The following CLEC2A variants were observed in gnomAD, a reference collection of about 807,000 sequenced individuals.
CLEC2A encodes keratinocyte-associated C-type lectin.
In CLEC2A, 19 loss-of-function variants were observed where a neutral mutation model predicts 18.6. The ratio of observed to expected loss-of-function variants is 1.02; its 90% CI spans 0.71 to 1.50. The LOEUF is 1.50. Among genes scored for constraint, CLEC2A ranks in the 40% most tolerant of loss-of-function variants. CLEC2A has a pLI of 0.00. For synonymous variants in CLEC2A, 74 were observed against 64.0 expected, an observed-to-expected ratio of 1.16 and a Z score of -0.75; for missense variants, 190 against 207.9, an observed-to-expected ratio of 0.91 and a Z score of 0.53.
At chr12:9,931,568 C>T (rs928050537) in intron 1 of CLEC2A, among the ~76,000 whole-genome samples, 1 of 152,124 alleles carries the variant, frequency 6.6e-6, no homozygotes, top group South Asian at 2.1e-4. Context: ...TTAAGAGTAT[C>T]AGGCTTACTT....
chr12:9,894,152 CT>C (rs1368618312), downstream of CLEC2A, among the ~76,000 whole-genome samples: 505 of 147,276 alleles, frequency 3.4e-3, 5 homozygotes, highest in East Asian at 0.043. Flanking sequence ...CTCTCTCTCT[CT>C]CCCTCCCTTC....
the CLEC2A span, among the ~76,000 whole-genome samples, chr12:9,890,557 C>T: frequency 6.6e-5 from 10 of 152,156 alleles, no homozygotes; most frequent in Non-Finnish European, 1.5e-4. Context: ...TACACCCTCC[C>T]GAAACATGGA....
At chr12:9,879,396 A>G in the CLEC2A span, among the ~76,000 whole-genome samples, 1 of 152,202 alleles carries the variant, frequency 6.6e-6, no homozygotes, top group Non-Finnish European at 1.5e-5. Flanking sequence ...ACATTGTAAC[A>G]TGGCCACAGG....
chr12:9,901,680 T>G (rs112357031), intron 4 of CLEC2A, among the ~76,000 whole-genome samples: 228 of 152,300 alleles, frequency 1.5e-3, no homozygotes, highest in African/African-American at 5.4e-3. Flanking sequence ...GGAAACTGAA[T>G]TTTGATTTTG....
At chr12:9,897,635 C>T (rs1481571180), downstream of CLEC2A, among the ~76,000 whole-genome samples, 1 of 151,740 alleles carries the variant, frequency 6.6e-6, no homozygotes, top group Non-Finnish European at 1.5e-5. Flanking sequence ...CGATCACACA[C>T]ACAAGCTGAA....
the CLEC2A span, among the ~76,000 whole-genome samples, chr12:9,890,887 C>A: frequency 6.6e-6 from 1 of 152,186 alleles, no homozygotes; most frequent in Non-Finnish European, 1.5e-5. Flanking sequence ...CAATTCCTAA[C>A]AAAGCTAGCA....
At chr12:9,898,569 G>A, downstream of CLEC2A, 1 of 205,660 alleles carries the variant, frequency 4.9e-6, no homozygotes, top group Admixed American at 5.5e-5. Context: ...GTGAGCAGCA[G>A]GACCTAGACC....
chr12:9,911,102 C>T (rs1193311159), downstream of CLEC2A, among the ~76,000 whole-genome samples: 1 of 152,170 alleles, frequency 6.6e-6, no homozygotes, highest in Non-Finnish European at 1.5e-5. Context: ...TGGCTGGAGT[C>T]AAGACCACAC....
chr12:9,895,892 T>G (rs1862751075), downstream of CLEC2A: 1 of 1,416,814 alleles, frequency 7.1e-7, no homozygotes, highest in Non-Finnish European at 9.2e-7. Flanking sequence ...TTTTAAAGAC[T>G]TAAGATTTTT....
At chr12:9,918,301 T>C (rs542538260) in intron 3 of CLEC2A, among the ~76,000 whole-genome samples, 3 of 152,342 alleles carry the variant, frequency 2.0e-5, no homozygotes, top group African/African-American at 4.8e-5. Context: ...GAGTCTTGCT[T>C]CAATCCTTTG....
intron 4 of CLEC2A, among the ~76,000 whole-genome samples, chr12:9,902,206 G>T (rs1044143412): frequency 1.3e-5 from 2 of 149,752 alleles, no homozygotes; most frequent in Admixed American, 1.3e-4. Flanking sequence ...TACTTTAATT[G>T]AGTGCTAAGT....
At chr12:9,906,549 G>A (rs1862910574) in intron 4 of CLEC2A, among the ~76,000 whole-genome samples, 1 of 152,186 alleles carries the variant, frequency 6.6e-6, no homozygotes, top group African/African-American at 2.4e-5. Flanking sequence ...CCGAAGGTAT[G>A]AGCTACCTCA....
chr12:9,896,507 G>A (rs1862757413), downstream of CLEC2A, among the ~76,000 whole-genome samples: 1 of 149,770 alleles, frequency 6.7e-6, no homozygotes, highest in African/African-American at 2.4e-5. Context: ...AAAGAAATAT[G>A]TACGGATGTT....
At chr12:9,922,337 G>C in intron 2 of CLEC2A, 105 bp from the exon 3 acceptor site, 1 of 841,476 alleles carries the variant, frequency 1.2e-6, no homozygotes, top group Non-Finnish European at 1.7e-6. Flanking sequence ...TTTGAGGCCC[G>C]TAAGTTAGCT....
At chr12:9,886,819 T>C in the CLEC2A span, among the ~76,000 whole-genome samples, 1 of 147,870 alleles carries the variant, frequency 6.8e-6, no homozygotes, top group Non-Finnish European at 1.5e-5. Context: ...GATATATAGA[T>C]AGAGCCAGGT....
downstream of CLEC2A, among the ~76,000 whole-genome samples, chr12:9,894,554 G>A (rs1285312502): frequency 1.3e-5 from 2 of 152,172 alleles, no homozygotes; most frequent in African/African-American, 4.8e-5. Flanking sequence ...TGAACAACAT[G>A]AGGTGTTGCA....
At chr12:9,883,141 T>C in the CLEC2A span, among the ~76,000 whole-genome samples, 1 of 152,224 alleles carries the variant, frequency 6.6e-6, no homozygotes, top group Non-Finnish European at 1.5e-5. Flanking sequence ...TTCCTTGTTA[T>C]TACTGACCTA....
the CLEC2A span, among the ~76,000 whole-genome samples, chr12:9,883,077 G>T: frequency 4.6e-5 from 7 of 152,086 alleles, no homozygotes; most frequent in African/African-American, 1.7e-4. Flanking sequence ...AATAAATTGG[G>T]CCAGAAAAAT....
the CLEC2A span, chr12:9,888,895 G>A: frequency 1.8e-6 from 1 of 554,338 alleles, no homozygotes. Flanking sequence ...GGTGGAGAAA[G>A]GTATGGGGCT....
Sources: allele counts gnomAD v4.1 joint callset (sites outside exome capture counted in the v4.1 genomes callset), GRCh38; gene constraint gnomAD v4.1.1; transcripts MANE v1.5; gene names NCBI Gene and HGNC (gene_info 2026-07-23, HGNC 2026-07-21).